SLC35F4: variants seen among roughly 807,000 people sequenced by gnomAD.
The protein encoded by SLC35F4 is solute carrier family 35 member F4, also known as chromosome 14 open reading frame 36.
A neutral mutation model predicts 44.2 loss-of-function variants in SLC35F4; 24 were observed. The observed-to-expected ratio is 0.54, with a 90% CI of 0.39 to 0.76. The LOEUF is 0.76. Among genes scored for constraint, SLC35F4 ranks in the 30% least tolerant of loss-of-function variants. The pLI is 0.00. For synonymous variants in SLC35F4, 238 were observed against 223.6 expected, an observed-to-expected ratio of 1.06 and a Z score of -0.57; for missense variants, 562 against 586.1, an observed-to-expected ratio of 0.96 and a Z score of 0.42.
At chr14:57,964,970 G>A (rs1463934233) in intron 1 of SLC35F4, among the ~76,000 whole-genome samples, 4 of 100,420 alleles carry the variant, frequency 4.0e-5, no homozygotes, top group African/African-American at 1.4e-4. Flanking sequence ...ATGCTCCCAT[G>A]GGGGAAAAAA....
chr14:57,820,677 C>G (rs1481387950), intron 1 of SLC35F4, among the ~76,000 whole-genome samples: 1 of 152,162 alleles, frequency 6.6e-6, no homozygotes, highest in Non-Finnish European at 1.5e-5. Context: ...GACAAAACTT[C>G]CTTTTTGGTA....
Position 57,593,954 on chromosome 14 carries a change from T to C in SLC35F4, c.274A>G (p.Arg92Gly). 1 of 1,613,870 alleles carries C rather than the reference T, an allele frequency of 6.2e-7. No individual in the cohort carries two copies. The highest frequency in any genetic ancestry group is 8.5e-7 in the Non-Finnish European group (1 of 1,179,842). ...ACCCACATACCTGATCTGTTCTGTC[T>C]CTCAACTCTGTGTCCACAAACTCCT... ...SSGVCGHRVE[R>G]QNRSADDGTQ... is the part of the protein sequence containing the mutation. The change falls in exon 2 of 8, where the codon AGA becomes GGA. Residue 92 changes from arginine (R) to glycine (G), a missense_variant. By Grantham distance (125) the Arg-to-Gly change is moderately radical (BLOSUM62 -2). Coordinates refer to ENST00000556826, the MANE Select transcript of SLC35F4 (RefSeq NM_001306087.2).
intron 1 of SLC35F4, among the ~76,000 whole-genome samples, chr14:57,740,048 T>G (rs1055155297): frequency 1.3e-5 from 2 of 151,968 alleles, no homozygotes; most frequent in African/African-American, 4.8e-5. Flanking sequence ...TTAGTACAGA[T>G]GGGGTTTCGT....
chr14:57,960,319 G>A (rs1183914464), intron 1 of SLC35F4, among the ~76,000 whole-genome samples: 5 of 152,168 alleles, frequency 3.3e-5, no homozygotes, highest in South Asian at 2.1e-4. Flanking sequence ...TCACTCAGAC[G>A]TCACATGACA....
chr14:57,631,484 G>A lies in SLC35F4; in HGVS notation c.104-37360C>T, dbSNP rs141073576. On this transcript the variant is annotated intron_variant, in intron 1 of 7. Coordinates refer to ENST00000556826, the MANE Select transcript of SLC35F4 (RefSeq NM_001306087.2). The stretch of plus-strand genomic sequence containing the variant: ...TGTTGGAAGCAAACTTTGTGTGTGC[G>A]TGCATAGTGTAAAAGAACTGAAATT... Among the ~76,000 whole-genome samples the A allele has an allele frequency of 1.1e-3, 173 of 152,148 alleles. 2 individuals carry two copies. In the East Asian group the frequency reaches 0.023, roughly 20 times the overall value.
At chr14:57,912,636 T>C (rs1209285444) in intron 1 of SLC35F4, among the ~76,000 whole-genome samples, 3 of 152,032 alleles carry the variant, frequency 2.0e-5, no homozygotes, top group Non-Finnish European at 4.4e-5. Flanking sequence ...CAATAGACAT[T>C]GCATGATTTC....
chr14:57,839,382 T>C (rs773312075), intron 1 of SLC35F4, among the ~76,000 whole-genome samples: 2 of 152,122 alleles, frequency 1.3e-5, no homozygotes, highest in Non-Finnish European at 2.9e-5. Context: ...ATATACACAC[T>C]ATGGAATACT....
chr14:57,915,672 C>G (rs72624750), intron 1 of SLC35F4, among the ~76,000 whole-genome samples: 39,865 of 151,986 alleles, frequency 0.26, 5,357 homozygotes, highest in East Asian at 0.41. Context: ...CACATTATAA[C>G]AAGGATGGCC....
At chr14:57,706,173 T>C (rs2075671142) in intron 1 of SLC35F4, among the ~76,000 whole-genome samples, 1 of 152,198 alleles carries the variant, frequency 6.6e-6, no homozygotes, top group South Asian at 2.1e-4. Flanking sequence ...TAGTAATAAC[T>C]ATGCCTGCAT....
At chr14:57,711,035 T>C (rs1227835879) in intron 1 of SLC35F4, among the ~76,000 whole-genome samples, 2 of 151,982 alleles carry the variant, frequency 1.3e-5, no homozygotes, top group Admixed American at 6.6e-5. Flanking sequence ...AATTATATGG[T>C]TTGGCTGTGT....
At chr14:57,935,946 G>C (rs917599719) in intron 1 of SLC35F4, among the ~76,000 whole-genome samples, 1 of 152,176 alleles carries the variant, frequency 6.6e-6, no homozygotes, top group Non-Finnish European at 1.5e-5. Context: ...AGCAGTATTT[G>C]TACTTGGAAT....
intron 1 of SLC35F4, among the ~76,000 whole-genome samples, chr14:57,776,381 C>G (rs1430913292): frequency 6.6e-6 from 1 of 151,972 alleles, no homozygotes; most frequent in Non-Finnish European, 1.5e-5. Context: ...AAGAAAAAAA[C>G]ATTAAAGCCT....
chr14:57,866,957 A>AAATAATAAT (rs4035380), upstream of SLC35F4, among the ~76,000 whole-genome samples: 10,072 of 135,922 alleles, frequency 0.074, 437 homozygotes, highest in Middle Eastern at 0.16. Context: ...AGCTTCCTGC[A>AAATAATAAT]AATAATAATA....
At position 57,564,210 on chromosome 14, in the gene SLC35F4, A is replaced by G; in HGVS notation, c.1383T>C (p.Asp461=). ...LKEKKSEEHV[D]DVTDPSIHLR... is the part of the protein sequence containing the mutation. ...GGTGTATGCTGGGATCAGTCACATC[A>G]TCCACATGCTCCTCACTCTTCTTTT... Residue 461 remains aspartate, a synonymous_variant, in exon 8 of 8, where the codon GAT becomes GAC. Coordinates refer to ENST00000556826, the MANE Select transcript of SLC35F4 (RefSeq NM_001306087.2). 1 of 1,613,636 alleles carries G rather than the reference A, an allele frequency of 6.2e-7. No homozygotes were observed. The highest frequency in any genetic ancestry group is 8.5e-7 in the Non-Finnish European group (1 of 1,179,820).
At chr14:57,892,054 G>A (rs755645314) in intron 1 of SLC35F4, among the ~76,000 whole-genome samples, 5 of 152,108 alleles carry the variant, frequency 3.3e-5, no homozygotes, top group Non-Finnish European at 7.4e-5. Flanking sequence ...ATAAGAATAT[G>A]GGAATCATCT....
intron 1 of SLC35F4, chr14:57,981,858 T>A (rs977498152): frequency 6.6e-6 from 1 of 152,220 alleles, no homozygotes; most frequent in African/African-American, 2.4e-5. Context: ...TGGCAGACAT[T>A]TAAGAGCCTT....
intron 1 of SLC35F4, among the ~76,000 whole-genome samples, chr14:57,777,426 AC>A: frequency 6.6e-6 from 1 of 152,348 alleles, no homozygotes; most frequent in East Asian, 1.9e-4. Flanking sequence ...GCACATATAC[AC>A]CATGGAATAC....
intron 1 of SLC35F4, among the ~76,000 whole-genome samples, chr14:57,924,370 G>T (rs191341319): frequency 7.3e-4 from 111 of 152,216 alleles, no homozygotes; most frequent in African/African-American, 2.6e-3. Flanking sequence ...GGAGCCCTGT[G>T]TACAGAGATA....
chr14:57,624,676 G>T (rs531714146), intron 1 of SLC35F4, among the ~76,000 whole-genome samples: 5 of 152,106 alleles, frequency 3.3e-5, no homozygotes, highest in Non-Finnish European at 7.4e-5. Context: ...ACATAATCCA[G>T]CACATAAACA....
Sources: gnomAD v4.1 joint callset for allele counts (sites outside exome capture counted in the v4.1 genomes callset) on GRCh38, gnomAD v4.1.1 for gene constraint, MANE v1.5 for transcripts, NCBI Gene and HGNC (gene_info 2026-07-23, HGNC 2026-07-21) for gene names.